Variants in FHIT observed in about 807,000 individuals in gnomAD.
The protein encoded by FHIT is fragile histidine triad diadenosine triphosphatase.
FHIT carries 19 observed loss-of-function variants against 17.9 expected under a neutral mutation model. That is an observed-to-expected ratio of 1.06 (90% CI 0.74 to 1.56). The LOEUF (loss-of-function observed/expected upper bound fraction) is 1.56, where lower values mean the gene tolerates loss of function less well. FHIT is among the 40% of genes most tolerant of loss of function. The pLI is 0.00. For missense variants in FHIT, 248 were observed against 189.2 expected, an observed-to-expected ratio of 1.31 and a Z score of -1.82; for synonymous variants, 81 against 69.7, an observed-to-expected ratio of 1.16 and a Z score of -0.81.
chr3:60,031,471 G>C (rs1015292628), intron 5 of FHIT, among the ~76,000 whole-genome samples: 6 of 152,202 alleles, frequency 3.9e-5, no homozygotes, highest in Admixed American at 2.0e-4. Context: ...ATGACCTGTG[G>C]AGTGACTCAG....
intron 1 of FHIT, among the ~76,000 whole-genome samples, chr3:61,210,657 G>C (rs182974559): frequency 6.6e-5 from 10 of 152,106 alleles, no homozygotes; most frequent in Admixed American, 6.5e-4. Flanking sequence ...TGCTGGAAAA[G>C]TGCAGTATTA....
At chr3:60,310,973 CTAAAGA>C (rs1473235773) in intron 5 of FHIT, among the ~76,000 whole-genome samples, 1 of 152,094 alleles carries the variant, frequency 6.6e-6, no homozygotes, top group Non-Finnish European at 1.5e-5. Context: ...AAAACTAAAA[CTAAAGA>C]TATTCTTTTC....
At chr3:60,243,420 A>G (rs1289531425) in intron 5 of FHIT, among the ~76,000 whole-genome samples, 1 of 152,142 alleles carries the variant, frequency 6.6e-6, no homozygotes, top group Non-Finnish European at 1.5e-5. Context: ...ACAAATTAGT[A>G]TTGTCAAGAA....
chr3:60,855,778 T>C (rs1450311074), intron 3 of FHIT, among the ~76,000 whole-genome samples: 1 of 152,146 alleles, frequency 6.6e-6, no homozygotes, highest in Admixed American at 6.5e-5. Context: ...TTCTGTAGTG[T>C]ACTTTCCACA....
chr3:60,088,487 C>T (rs529744517), intron 5 of FHIT, among the ~76,000 whole-genome samples: 7 of 152,230 alleles, frequency 4.6e-5, no homozygotes, highest in East Asian at 1.9e-4. Context: ...TCCCTATGCC[C>T]GAGTATCATC....
At chr3:59,970,838 ATT>A (rs34305760) in intron 7 of FHIT, among the ~76,000 whole-genome samples, 15,954 of 144,416 alleles carry the variant, frequency 0.11, 975 homozygotes, top group South Asian at 0.15. Flanking sequence ...CACTCCAGCC[ATT>A]TTTTTTTTTT....
intron 5 of FHIT, among the ~76,000 whole-genome samples, chr3:60,268,922 T>C (rs906498767): frequency 6.6e-6 from 1 of 152,040 alleles, no homozygotes; most frequent in Admixed American, 6.6e-5. Context: ...GTCACAGTGA[T>C]GAAAAGTGAG....
intron 5 of FHIT, among the ~76,000 whole-genome samples, chr3:60,197,254 A>C (rs1036572841): frequency 1.3e-5 from 2 of 152,186 alleles, no homozygotes; most frequent in African/African-American, 4.8e-5. Flanking sequence ...TGACTAGTCC[A>C]AACTGAGATG....
chr3:61,202,121 C>G (rs1203210271), intron 1 of FHIT, among the ~76,000 whole-genome samples: 1 of 151,176 alleles, frequency 6.6e-6, no homozygotes, highest in Non-Finnish European at 1.5e-5. Flanking sequence ...TAGCCAAGCC[C>G]AAAAGAAAGA....
At chr3:60,992,845 G>A (rs1299066294) in intron 3 of FHIT, among the ~76,000 whole-genome samples, 1 of 146,132 alleles carries the variant, frequency 6.8e-6, no homozygotes, top group Non-Finnish European at 1.6e-5. Flanking sequence ...GGAGGCCGTG[G>A]AACAACTGAA....
At chr3:60,256,994 C>G (rs1706031398) in intron 5 of FHIT, among the ~76,000 whole-genome samples, 1 of 152,180 alleles carries the variant, frequency 6.6e-6, no homozygotes, top group South Asian at 2.1e-4. Flanking sequence ...TTAAGACATG[C>G]AAATTATTTC....
chr3:59,763,329 A>G (rs1701623792), intron 8 of FHIT, among the ~76,000 whole-genome samples: 1 of 152,194 alleles, frequency 6.6e-6, no homozygotes, highest in African/African-American at 2.4e-5. Flanking sequence ...ACACACAACT[A>G]AGAGAGGGAG....
intron 3 of FHIT, among the ~76,000 whole-genome samples, chr3:60,968,526 C>T (rs1022511636): frequency 6.6e-6 from 1 of 151,512 alleles, no homozygotes; most frequent in Non-Finnish European, 1.5e-5. Context: ...AATTCTCCTG[C>T]TTCAGCCTCC....
chr3:60,284,249 C>T (rs187669154), intron 5 of FHIT, among the ~76,000 whole-genome samples: 2 of 152,064 alleles, frequency 1.3e-5, no homozygotes. Context: ...ATTTAAGAAT[C>T]GTAACAGTAC....
chr3:60,972,162 T>A (rs945973392), intron 3 of FHIT, among the ~76,000 whole-genome samples: 3 of 152,220 alleles, frequency 2.0e-5, no homozygotes, highest in Non-Finnish European at 4.4e-5. Context: ...GACACTTACT[T>A]ATATATTTAT....
chr3:60,406,775 T>C (rs1166230923), intron 5 of FHIT, among the ~76,000 whole-genome samples: 4 of 152,224 alleles, frequency 2.6e-5, no homozygotes, highest in African/African-American at 7.2e-5. Flanking sequence ...CCCAAAACCT[T>C]CTTCCCTAAT....
intron 5 of FHIT, among the ~76,000 whole-genome samples, chr3:60,283,293 C>T (rs115908431): frequency 5.2e-4 from 79 of 152,058 alleles, no homozygotes; most frequent in African/African-American, 1.9e-3. Context: ...CAACTTTGCT[C>T]CCTCAAGTCA....
At chr3:59,832,378 T>A (rs1270418882) in intron 8 of FHIT, among the ~76,000 whole-genome samples, 1 of 152,070 alleles carries the variant, frequency 6.6e-6, no homozygotes, top group Non-Finnish European at 1.5e-5. Context: ...CCTCAATTAT[T>A]TTTTTTTCTT....
intron 5 of FHIT, among the ~76,000 whole-genome samples, chr3:60,173,915 A>ATTTTT: frequency 1.5e-5 from 1 of 66,444 alleles, no homozygotes; most frequent in Non-Finnish European, 2.8e-5. Flanking sequence ...ATATATATAT[A>ATTTTT]TGTTTTTTTT....
Sources: allele counts gnomAD v4.1 joint callset (sites outside exome capture counted in the v4.1 genomes callset), GRCh38; gene constraint gnomAD v4.1.1; transcripts MANE v1.5; gene names NCBI Gene and HGNC (gene_info 2026-07-23, HGNC 2026-07-21).